CYP27C1: variants seen among roughly 807,000 people sequenced by gnomAD.
CYP27C1 encodes the protein cytochrome P450 27C1.
In CYP27C1, 29 loss-of-function variants were observed where a neutral mutation model predicts 40.6. That is an observed-to-expected ratio of 0.71 (90% CI 0.53 to 0.97). The LOEUF is 0.97. Among genes scored for constraint, CYP27C1 ranks in the 50% least tolerant of loss-of-function variants. The pLI is 0.00. For missense variants in CYP27C1, 390 were observed against 485.8 expected, an observed-to-expected ratio of 0.80 and a Z score of 1.85; for synonymous variants, 198 against 186.8, an observed-to-expected ratio of 1.06 and a Z score of -0.49.
In CYP27C1 at chr2:127,218,467, G is replaced by C. The variant is rs1318213946; in HGVS notation, c.282+1522C>G. On this transcript the variant is annotated intron_variant, in intron 1 of 8. Transcript: ENST00000664447. The surrounding 1 kb of genome is among the most constrained non-coding windows in gnomAD (Gnocchi z 6.0). ...TGAGCCCTCTAAGCATTGGGGTGGGGGTGGCGGTTTGGAACTGTATAGGGT... is the reference window on the plus strand; with the variant it reads ...TGAGCCCTCTAAGCATTGGGGTGGGCGTGGCGGTTTGGAACTGTATAGGGT... Among the ~76,000 whole-genome samples, 1 of 152,126 alleles carries C rather than the reference G, an allele frequency of 6.6e-6. No individual in the cohort carries two copies. The highest frequency in any genetic ancestry group is 2.4e-5 in the African/African-American group (1 of 41,436).
Position 127,201,215 on chromosome 2 carries a change from T to C in CYP27C1, c.790A>G (p.Met264Val), listed in dbSNP as rs754693893. 1 of 1,614,188 alleles carries C rather than the reference T, an allele frequency of 6.2e-7. No homozygotes were observed. The highest frequency in any genetic ancestry group is 1.7e-5 in the Admixed American group (1 of 60,032). Reference sequence around the variant, plus strand: ...CATCTGGGGATGGCGCCTGCATACATGGAGGTCTTGAACATGCTAAACATG... The same window carrying C: ...CATCTGGGGATGGCGCCTGCATACACGGAGGTCTTGAACATGCTAAACATG... ...ELMFSMFKTS[M>V]YAGAIPRWLR... The change falls in exon 4 of 9, where the codon ATG becomes GTG. Residue 264 changes from methionine (M) to valine (V), a missense_variant. Coordinates refer to ENST00000664447, the MANE Select transcript of CYP27C1 (RefSeq NM_001367502.1). The surrounding 1 kb of genome is among the most constrained non-coding windows in gnomAD (Gnocchi z 6.0).
At chr2:127,190,965 G>A (rs1329745583) in intron 8 of CYP27C1, among the ~76,000 whole-genome samples, 4 of 148,432 alleles carry the variant, frequency 2.7e-5, no homozygotes, top group Non-Finnish European at 5.9e-5. Flanking sequence ...AAAATCATGG[G>A]CCAGGCACAG....
Position 127,218,402 on chromosome 2 carries a change from A to C in CYP27C1, c.282+1587T>G, listed in dbSNP as rs887393179. ...CTTTTTACTGTATTTGAAAGTTGCC[A>C]TCCTGATATCTTATCAGATCCTACA... is the stretch of plus-strand genomic sequence containing the variant. On this transcript the variant is annotated intron_variant, in intron 1 of 8. Transcript: ENST00000664447. The surrounding 1 kb of genome is among the most constrained non-coding windows in gnomAD (Gnocchi z 6.0). Among the ~76,000 whole-genome samples, 1 of 151,934 alleles carries C rather than the reference A, an allele frequency of 6.6e-6. No homozygotes were observed. Among genetic ancestry groups the C allele is most frequent in the African/African-American group, 2.4e-5 (1 of 41,410 alleles).
chr2:127,215,480 A>T (rs570971286), intron 1 of CYP27C1, among the ~76,000 whole-genome samples: 1 of 152,332 alleles, frequency 6.6e-6, no homozygotes, highest in African/African-American at 2.4e-5. Context: ...ATGTCTTAAG[A>T]TATGATCCCT....
chr2:127,204,557 G>A (rs1266470030), intron 2 of CYP27C1, among the ~76,000 whole-genome samples: 3 of 40,630 alleles, frequency 7.4e-5, no homozygotes, highest in African/African-American at 2.6e-4. Flanking sequence ...GAGAGAGAGA[G>A]AAAGAAAGAA....
intron 8 of CYP27C1, among the ~76,000 whole-genome samples, chr2:127,192,626 G>T (rs552205412): frequency 6.6e-6 from 1 of 152,056 alleles, no homozygotes; most frequent in East Asian, 1.9e-4. Flanking sequence ...TCCCGGGGGG[G>T]GGGGCTGCTG....
Position 127,187,499 on chromosome 2 carries a change from G to C in CYP27C1, c.1498-112C>G, listed in dbSNP as rs532206562. The C allele has an allele frequency of 2.9e-4, 248 of 869,318 alleles. 1 individual carries two copies. The highest frequency in any genetic ancestry group is 2.7e-3 in the South Asian group (170 of 63,706). The allele number at this position is 869,318 out of a possible 1,614,324, so 53.9% of individuals were successfully genotyped here. Reference sequence around the variant, plus strand: ...CGGCACTGGGCTGCAGAGAGCGCAGGCAATGAGCACCCACATCCAGCTTTT... The same window carrying C: ...CGGCACTGGGCTGCAGAGAGCGCAGCCAATGAGCACCCACATCCAGCTTTT... On this transcript the variant is annotated intron_variant, in intron 8 of 8. Coordinates refer to ENST00000664447, the MANE Select transcript of CYP27C1 (RefSeq NM_001367502.1).
rs968095175 is a variant in CYP27C1 at position 127,209,751 on chromosome 2, G to A, written c.283-3661C>T. Among the ~76,000 whole-genome samples the A allele has an allele frequency of 2.0e-5, 3 of 152,142 alleles. No homozygotes were observed. Among genetic ancestry groups the A allele is most frequent in the African/African-American group, 7.2e-5 (3 of 41,430 alleles). On this transcript the variant is annotated intron_variant, in intron 1 of 8. Transcript: ENST00000664447. This position sits in a 1 kb window ranked among gnomAD's most constrained non-coding sequence, Gnocchi z 4.1. ...TATCAACAGCCAAATCGACCAAGTG[G>A]AAGAAAGGATATCAGAATTTGAAGA...
chr2:127,207,196 C>T (rs1374486109), intron 1 of CYP27C1, among the ~76,000 whole-genome samples: 1 of 151,974 alleles, frequency 6.6e-6, no homozygotes, highest in Admixed American at 6.6e-5. Flanking sequence ...AAAATTCTGT[C>T]TCTAAAAAAA....
chr2:127,204,553 G>GAA lies in CYP27C1; in HGVS notation c.474-983_474-982insTT, dbSNP rs1424906492. Among the ~76,000 whole-genome samples, 198 of 70,450 alleles carry GAA rather than the reference G, an allele frequency of 2.8e-3. 1 individual carries two copies. Among genetic ancestry groups the GAA allele is most frequent in the Non-Finnish European group, 3.6e-3 (126 of 35,168 alleles). 46.2% of individuals were successfully genotyped at this position (70,450 alleles called of 152,430 possible). ...AGAAAGAAAGAGAGAGAGAGAGAGA[G>GAA]AGAGAAAGAAAGAAAGAAAGAAAGA... is the stretch of plus-strand genomic sequence containing the variant. On this transcript the variant is annotated intron_variant, in intron 2 of 8. Transcript: ENST00000664447.
rs557984895 is a variant in CYP27C1 at position 127,204,631 on chromosome 2, T to G, written c.474-1060A>C. Among the ~76,000 whole-genome samples, 890 of 131,898 alleles carry G rather than the reference T, an allele frequency of 6.7e-3. 18 individuals carry two copies. Among genetic ancestry groups the G allele is most frequent in the Non-Finnish European group, 0.01 (639 of 61,516 alleles). 86.5% of individuals were successfully genotyped at this position (131,898 alleles called of 152,430 possible). A position where few individuals can be genotyped will look rare whatever the true frequency, so the allele number is the denominator to read the frequency against. On this transcript the variant is annotated intron_variant, in intron 2 of 8. Transcript: ENST00000664447. ...AAAGAAAGAAAGAAAGAAAGAAGAC[T>G]GCAGCTTGTTACCAGGGTGTGGGAA...
intron 1 of CYP27C1, among the ~76,000 whole-genome samples, chr2:127,210,215 C>A (rs976342472): frequency 6.6e-6 from 1 of 152,038 alleles, no homozygotes; most frequent in African/African-American, 2.4e-5. Flanking sequence ...CAATATTCAA[C>A]ATAGTTAAAG....
At chr2:127,202,583 G>T (rs2104687876) in intron 3 of CYP27C1, among the ~76,000 whole-genome samples, 1 of 152,302 alleles carries the variant, frequency 6.6e-6, no homozygotes, top group South Asian at 2.1e-4. Context: ...AGTGACCTTT[G>T]CTGCATTCAG....
intron 6 of CYP27C1, among the ~76,000 whole-genome samples, chr2:127,194,468 C>T (rs1323857769): frequency 1.3e-5 from 2 of 152,150 alleles, no homozygotes; most frequent in African/African-American, 4.8e-5. Context: ...CAGAGGATGC[C>T]GTGTTTGGGG....
chr2:127,201,932 GT>G lies in CYP27C1; in HGVS notation c.674-602del, dbSNP rs1683044425. Among the ~76,000 whole-genome samples, 1 of 152,148 alleles carries G rather than the reference GT, an allele frequency of 6.6e-6. No individual in the cohort carries two copies. Among genetic ancestry groups the G allele is most frequent in the Admixed American group, 6.5e-5 (1 of 15,272 alleles). ...TCCGTGTCGGGCAGAGCTGTGAACTGTATTTACCAATCACTTCTGGGATGAT... is the reference window on the plus strand; with the variant it reads ...TCCGTGTCGGGCAGAGCTGTGAACTGATTTACCAATCACTTCTGGGATGAT... On this transcript the variant is annotated intron_variant, in intron 3 of 8. Transcript: ENST00000664447. This position sits in a 1 kb window ranked among gnomAD's most constrained non-coding sequence, Gnocchi z 6.0.
Position 127,201,129 on chromosome 2 carries a change from G to A in CYP27C1, c.876C>T (p.Phe292=). The change falls in exon 4 of 9, where the codon TTC becomes TTT. Residue 292 remains phenylalanine, a synonymous_variant. Transcript: ENST00000664447. This position sits in a 1 kb window ranked among gnomAD's most constrained non-coding sequence, Gnocchi z 6.0. ...REFCRSWDGL[F]KFSQIHVDNK... Reference sequence around the variant, plus strand: ...TCTCAATTCTTCTCTTACTGAATTTGAAGAGTCCATCCCAGGACCTGCAGA... The same window carrying A: ...TCTCAATTCTTCTCTTACTGAATTTAAAGAGTCCATCCCAGGACCTGCAGA... 6.2e-7 allele frequency: 1 copy of A among 1,612,886 alleles called. No individual in the cohort carries two copies. Among genetic ancestry groups the A allele is most frequent in the Non-Finnish European group, 8.5e-7 (1 of 1,179,870 alleles).
intron 8 of CYP27C1, among the ~76,000 whole-genome samples, chr2:127,189,812 A>G (rs1682723869): frequency 1.3e-5 from 2 of 152,278 alleles, no homozygotes; most frequent in East Asian, 1.9e-4. Flanking sequence ...ACACCTGATG[A>G]TATGTGAAGA....
intron 1 of CYP27C1, among the ~76,000 whole-genome samples, chr2:127,211,377 T>TTTTTTTTG (rs1683334229): frequency 8.1e-6 from 1 of 122,994 alleles, no homozygotes; most frequent in African/African-American, 3.5e-5. Context: ...TTGTTTTTTT[T>TTTTTTTTG]TTTTTTTTTT....
rs1359643351 is a variant in CYP27C1, at chr2:127,209,962, A to G, written c.283-3872T>C. On this transcript the variant is annotated intron_variant, in intron 1 of 8. Transcript: ENST00000664447. The surrounding 1 kb of genome is among the most constrained non-coding windows in gnomAD (Gnocchi z 4.1). The stretch of plus-strand genomic sequence containing the variant: ...ACACTTCATGATATTATCAAGGAGA[A>G]CTTCCTCAACCTAGCAAGACAGGCC... 6.6e-6 allele frequency among the ~76,000 whole-genome samples: 1 copy of G among 152,242 alleles called. No individual in the cohort carries two copies. The highest frequency in any genetic ancestry group is 1.5e-5 in the Non-Finnish European group (1 of 68,032).
Sources: gnomAD v4.1 joint callset for allele counts (sites outside exome capture counted in the v4.1 genomes callset) on GRCh38, gnomAD v4.1.1 for gene constraint, Gnocchi (gnomAD v3.1) non-coding constraint, MANE v1.5 for transcripts, NCBI Gene and HGNC (gene_info 2026-07-23, HGNC 2026-07-21) for gene names.